NRXN3: variants seen among roughly 807,000 people sequenced by gnomAD.
NRXN3 encodes neurexin 3.
In NRXN3, 32 loss-of-function variants were observed where a neutral mutation model predicts 137.6. The observed-to-expected ratio is 0.23, with a 90% CI of 0.18 to 0.31. The LOEUF (loss-of-function observed/expected upper bound fraction) is 0.31. NRXN3 is among the 10% of genes least tolerant of loss of function. The pLI, the probability that NRXN3 is intolerant of heterozygous loss-of-function variation, is 1.00. For missense variants in NRXN3, 1,574 were observed against 2,062.5 expected (o/e 0.76, Z 4.59); for synonymous variants, 798 against 784.5 (o/e 1.02, Z -0.29).
At position 78,225,982 on chromosome 14, in the gene NRXN3, T is replaced by TGTTG. The variant is rs1555412890; in HGVS notation, c.-703-16407_-703-16406insTGGT. Among the ~76,000 whole-genome samples, 657 of 136,342 alleles carry TGTTG rather than the reference T, an allele frequency of 4.8e-3. 3 individuals carry two copies. The highest frequency in any genetic ancestry group is 7.8e-3 in the African/African-American group (254 of 32,598). 89.4% of individuals were successfully genotyped at this position (136,342 alleles called of 152,430 possible). On this transcript the variant is annotated intron_variant, in intron 1 of 20. Coordinates refer to ENST00000335750, the MANE Select transcript of NRXN3 (RefSeq NM_001330195.2). The stretch of plus-strand genomic sequence containing the variant: ...GTGTGTGTGTGTGTGTTGGTGTGTG[T>TGTTG]GTGTGTGTGTGTGTGTGTGTGTGTG...
At chr14:79,047,443 T>C (rs988871146) in intron 15 of NRXN3, among the ~76,000 whole-genome samples, 9 of 152,088 alleles carry the variant, frequency 5.9e-5, no homozygotes, top group African/African-American at 1.9e-4. Context: ...AGATTCAACT[T>C]AATGAAAACA....
At chr14:78,899,936 C>T (rs74700386) in intron 10 of NRXN3, among the ~76,000 whole-genome samples, 15,450 of 151,898 alleles carry the variant, frequency 0.1, 1,084 homozygotes, top group Non-Finnish European at 0.14. Flanking sequence ...TTCTTGTGTT[C>T]AGACCTTTTT....
At chr14:78,691,622 TG>T (rs1423810220) in intron 6 of NRXN3, among the ~76,000 whole-genome samples, 1 of 152,160 alleles carries the variant, frequency 6.6e-6, no homozygotes, top group Non-Finnish European at 1.5e-5. Context: ...ATTCATGGCT[TG>T]AATAAGGGTA....
At chr14:78,293,838 A>G (rs1283871241) in intron 3 of NRXN3, among the ~76,000 whole-genome samples, 1 of 151,928 alleles carries the variant, frequency 6.6e-6, no homozygotes, top group Non-Finnish European at 1.5e-5. Flanking sequence ...TGAACTATGC[A>G]TATGTATTCA....
intron 1 of NRXN3, among the ~76,000 whole-genome samples, chr14:78,208,412 CT>C (rs1351217045): frequency 2.0e-5 from 3 of 152,118 alleles, no homozygotes; most frequent in Non-Finnish European, 4.4e-5. Flanking sequence ...CTTGTGTTTC[CT>C]TTTGTCCCTG....
At chr14:79,297,699 G>A (rs2084419348) in intron 15 of NRXN3, among the ~76,000 whole-genome samples, 1 of 152,124 alleles carries the variant, frequency 6.6e-6, no homozygotes, top group Admixed American at 6.6e-5. Flanking sequence ...TGGTGGCATT[G>A]AGGCTAGATA....
intron 20 of NRXN3, among the ~76,000 whole-genome samples, chr14:79,814,982 T>A (rs1335991844): frequency 6.6e-6 from 1 of 152,212 alleles, no homozygotes; most frequent in African/African-American, 2.4e-5. Context: ...TCAACTGATA[T>A]ACATTTTACT....
At chr14:79,609,150 C>G (rs1460447117) in intron 16 of NRXN3, among the ~76,000 whole-genome samples, 2 of 151,898 alleles carry the variant, frequency 1.3e-5, no homozygotes, top group Admixed American at 6.6e-5. Flanking sequence ...ATGGTGAGTT[C>G]GCGTGAGAAA....
chr14:79,230,331 G>A (rs1268783968), intron 15 of NRXN3, among the ~76,000 whole-genome samples: 2 of 152,112 alleles, frequency 1.3e-5, no homozygotes, highest in Non-Finnish European at 2.9e-5. Flanking sequence ...GAGAGAGCTG[G>A]TGGTCCCTGC....
intron 15 of NRXN3, among the ~76,000 whole-genome samples, chr14:79,317,411 C>G (rs1368904010): frequency 6.6e-6 from 1 of 152,164 alleles, no homozygotes; most frequent in Non-Finnish European, 1.5e-5. Flanking sequence ...ACCTTTAGTG[C>G]CTGTGTGTCT....
At chr14:78,807,311 T>C (rs1386303693) in intron 9 of NRXN3, among the ~76,000 whole-genome samples, 1 of 152,222 alleles carries the variant, frequency 6.6e-6, no homozygotes, top group Non-Finnish European at 1.5e-5. Context: ...TGCATTTGAA[T>C]TCTCCAGATG....
At chr14:78,722,089 T>A (rs1409168563) in intron 8 of NRXN3, among the ~76,000 whole-genome samples, 1 of 152,196 alleles carries the variant, frequency 6.6e-6, no homozygotes, top group Non-Finnish European at 1.5e-5. Flanking sequence ...CAGCTGGTCC[T>A]GTTACTCTAA....
intron 4 of NRXN3, among the ~76,000 whole-genome samples, chr14:78,533,354 G>T (rs1220937391): frequency 6.6e-6 from 1 of 151,960 alleles, no homozygotes; most frequent in Non-Finnish European, 1.5e-5. Flanking sequence ...CCAACCTCCA[G>T]CTCTCTTCTA....
At chr14:79,617,300 ACCCAATGGCTTTTCAAAAGTGTGCATC>A (rs2098167494) in intron 16 of NRXN3, among the ~76,000 whole-genome samples, 2 of 152,192 alleles carry the variant, frequency 1.3e-5, no homozygotes, top group Admixed American at 6.5e-5. Context: ...ATAAATTTTT[ACCCAATGGCTTTTCAAAAGTGTGCATC>A]CCCAATGGCT....
chr14:79,027,772 A>G (rs775902139), intron 15 of NRXN3, among the ~76,000 whole-genome samples: 1 of 152,136 alleles, frequency 6.6e-6, no homozygotes, highest in Non-Finnish European at 1.5e-5. Context: ...TGCATGTGTT[A>G]TAGTCTAAAA....
At chr14:78,897,671 G>GCCAGCA (rs1310622382) in intron 10 of NRXN3, among the ~76,000 whole-genome samples, 1 of 151,830 alleles carries the variant, frequency 6.6e-6, no homozygotes, top group Non-Finnish European at 1.5e-5. Context: ...CTCTGTCCTG[G>GCCAGCA]CCAGCACCCA....
chr14:78,530,907 C>T (rs2096453141), intron 4 of NRXN3, among the ~76,000 whole-genome samples: 1 of 152,090 alleles, frequency 6.6e-6, no homozygotes, highest in African/African-American at 2.4e-5. Flanking sequence ...ATTTTTTCCC[C>T]TACTCATTAG....
chr14:79,028,804 G>A (rs1024059501), intron 15 of NRXN3, among the ~76,000 whole-genome samples: 2 of 152,098 alleles, frequency 1.3e-5, no homozygotes, highest in Non-Finnish European at 2.9e-5. Flanking sequence ...ATTGATCCAC[G>A]AGTTACCATA....
intron 4 of NRXN3, among the ~76,000 whole-genome samples, chr14:78,484,019 CACACACACAG>C (rs1242480080): frequency 1.3e-3 from 122 of 93,112 alleles, no homozygotes; most frequent in Middle Eastern, 7.5e-3. Context: ...CACACACACA[CACACACACAG>C]AGAGAGAGAG....
Sources: allele counts gnomAD v4.1 joint callset (sites outside exome capture counted in the v4.1 genomes callset), GRCh38; gene constraint gnomAD v4.1.1; transcripts MANE v1.5; gene names NCBI Gene and HGNC (gene_info 2026-07-23, HGNC 2026-07-21).